The following SUGCT variants were observed in gnomAD, a reference collection of about 807,000 sequenced individuals.
SUGCT encodes succinyl-CoA:glutarate CoA-transferase.
Under a neutral mutation model 55.0 loss-of-function variants are expected in SUGCT, and 41 were observed. That is an observed-to-expected ratio of 0.74 (90% CI 0.58 to 0.97). The LOEUF is 0.97. SUGCT is among the 50% of genes least tolerant of loss of function. The probability of loss-of-function intolerance (pLI) is 0.00; values close to 1 mark genes in which losing one functional copy is unlikely to be tolerated. For synonymous variants in SUGCT, 187 were observed against 200.4 expected (o/e 0.93, Z 0.56); for missense variants, 568 against 547.8 (o/e 1.04, Z -0.37).
rs371520920 is a variant in SUGCT at position 40,203,714 on chromosome 7, G to T, written c.484+8654G>T. Among the ~76,000 whole-genome samples, 21 of 151,822 alleles carry T rather than the reference G, an allele frequency of 1.4e-4. No individual in the cohort carries two copies. The South Asian group carries it at 4.2e-3, about 30-fold the overall frequency. ...CGGTTGAACCTGGGAGGCGGAAGTT[G>T]CAGTGAGCTGAGATCGCACCATTGC... On this transcript the variant is annotated intron_variant, in intron 6 of 13. Coordinates refer to ENST00000335693, the MANE Select transcript of SUGCT (RefSeq NM_001193313.2).
chr7:40,328,023 G>C (rs1257079765), intron 9 of SUGCT, among the ~76,000 whole-genome samples: 1 of 152,166 alleles, frequency 6.6e-6, no homozygotes, highest in Non-Finnish European at 1.5e-5. Context: ...AGGGGGACTT[G>C]AGCTCATTGT....
intron 8 of SUGCT, among the ~76,000 whole-genome samples, chr7:40,298,343 G>A (rs1418079665): frequency 2.6e-5 from 4 of 152,166 alleles, no homozygotes; most frequent in African/African-American, 9.7e-5. Context: ...AGTTTTAATG[G>A]TGGAAGTGAT....
chr7:40,876,958 C>A, the SUGCT span, among the ~76,000 whole-genome samples: 1 of 152,226 alleles, frequency 6.6e-6, no homozygotes, highest in South Asian at 2.1e-4. Flanking sequence ...TCTGACAGTA[C>A]CCTTTCTTAG....
chr7:40,670,570 T>C (rs1801891761), intron 12 of SUGCT, among the ~76,000 whole-genome samples: 1 of 152,180 alleles, frequency 6.6e-6, no homozygotes, highest in South Asian at 2.1e-4. Flanking sequence ...TTTAGAGTCA[T>C]TGTCTTGCCA....
chr7:40,779,950 A>C (rs1373474645), intron 13 of SUGCT, among the ~76,000 whole-genome samples: 1 of 152,218 alleles, frequency 6.6e-6, no homozygotes, highest in Non-Finnish European at 1.5e-5. Flanking sequence ...TGGCTCTGTA[A>C]GGTACAGTGC....
intron 9 of SUGCT, among the ~76,000 whole-genome samples, chr7:40,396,085 G>A (rs571795829): frequency 6.6e-6 from 1 of 152,068 alleles, no homozygotes; most frequent in Non-Finnish European, 1.5e-5. Flanking sequence ...ATAACAACTA[G>A]CATGGACACT....
intron 9 of SUGCT, among the ~76,000 whole-genome samples, chr7:40,417,145 C>T (rs1583633970): frequency 6.6e-6 from 1 of 151,814 alleles, no homozygotes; most frequent in Non-Finnish European, 1.5e-5. Context: ...CTTATCAGAC[C>T]TGTGAGAATT....
intron 12 of SUGCT, among the ~76,000 whole-genome samples, chr7:40,729,761 GCA>G (rs1021432214): frequency 5.3e-5 from 8 of 152,202 alleles, no homozygotes; most frequent in Non-Finnish European, 7.3e-5. Flanking sequence ...TGGGTAACCA[GCA>G]GAGAGAGTGG....
chr7:40,533,530 G>T (rs556859398), intron 12 of SUGCT, among the ~76,000 whole-genome samples: 1 of 152,124 alleles, frequency 6.6e-6, no homozygotes, highest in Admixed American at 6.5e-5. Flanking sequence ...CAATTGCAAA[G>T]AAATTTTGAA....
intron 12 of SUGCT, among the ~76,000 whole-genome samples, chr7:40,544,018 C>T (rs1794848032): frequency 6.6e-6 from 1 of 151,968 alleles, no homozygotes; most frequent in South Asian, 2.1e-4. Context: ...TAAGGAGGCA[C>T]TCTAGTTTGG....
the SUGCT span, among the ~76,000 whole-genome samples, chr7:40,904,948 T>C: frequency 2.0e-5 from 3 of 152,226 alleles, no homozygotes; most frequent in African/African-American, 7.2e-5. Flanking sequence ...TGAGCCAAGT[T>C]TGCCTGAAAA....
At chr7:40,569,283 C>T (rs189821176) in intron 12 of SUGCT, among the ~76,000 whole-genome samples, 148 of 152,248 alleles carry the variant, frequency 9.7e-4, no homozygotes, top group Non-Finnish European at 1.1e-3. Context: ...CAGTGGTTAC[C>T]GAACCCTTGG....
At chr7:40,452,613 C>T (rs944819053) in intron 10 of SUGCT, among the ~76,000 whole-genome samples, 7 of 152,128 alleles carry the variant, frequency 4.6e-5, no homozygotes, top group African/African-American at 1.7e-4. Flanking sequence ...AACTCTGTCA[C>T]GGTCCTTAAT....
At chr7:40,334,966 C>T (rs1409372142) in intron 9 of SUGCT, among the ~76,000 whole-genome samples, 1 of 152,204 alleles carries the variant, frequency 6.6e-6, no homozygotes, top group Admixed American at 6.5e-5. Flanking sequence ...CAGCTTTCTG[C>T]ATATGGCTAG....
At chr7:40,295,793 A>G (rs1794100251) in intron 8 of SUGCT, among the ~76,000 whole-genome samples, 1 of 152,192 alleles carries the variant, frequency 6.6e-6, no homozygotes, top group African/African-American at 2.4e-5. Flanking sequence ...AGGTGCATAG[A>G]TAAATTTTGC....
At position 40,157,546 on chromosome 7, in the gene SUGCT, A is replaced by T. The variant is rs556090649; in HGVS notation, c.100+22426A>T. Among the ~76,000 whole-genome samples the T allele has an allele frequency of 4.6e-5, 7 of 152,310 alleles. No homozygotes were observed. In the East Asian group the frequency reaches 1.4e-3, roughly 29 times the overall value. On this transcript the variant is annotated intron_variant, in intron 1 of 13. Transcript: ENST00000335693. ...GAATGAATCAATATAGAGATTAAAA[A>T]CTTAAATATTTTTAATGTAAAATAC...
intron 13 of SUGCT, among the ~76,000 whole-genome samples, chr7:40,765,491 G>A (rs1315447981): frequency 1.3e-5 from 2 of 150,834 alleles, no homozygotes; most frequent in African/African-American, 4.9e-5. Context: ...TAAAAACTGT[G>A]TTTTTCTCCT....
chr7:40,746,384 G>A (rs1369550389), intron 12 of SUGCT, among the ~76,000 whole-genome samples: 4 of 152,210 alleles, frequency 2.6e-5, no homozygotes, highest in African/African-American at 9.6e-5. Flanking sequence ...GAATTGTATG[G>A]ACTTCACACT....
intron 12 of SUGCT, among the ~76,000 whole-genome samples, chr7:40,664,709 G>A (rs1352034968): frequency 6.6e-6 from 1 of 152,124 alleles, no homozygotes; most frequent in Non-Finnish European, 1.5e-5. Context: ...AGCTGGGCAC[G>A]GTGGCTCACA....
Sources: gnomAD v4.1 joint callset for allele counts (sites outside exome capture counted in the v4.1 genomes callset) on GRCh38, gnomAD v4.1.1 for gene constraint, MANE v1.5 for transcripts, NCBI Gene and HGNC (gene_info 2026-07-23, HGNC 2026-07-21) for gene names.